The following XKR9 variants were observed in gnomAD, a reference collection of about 807,000 sequenced individuals.
XKR9 encodes XK-related protein 9.
In XKR9, 32 loss-of-function variants were observed where a neutral mutation model predicts 32.0. That is an observed-to-expected ratio of 1.00 (90% CI 0.76 to 1.34). The LOEUF (loss-of-function observed/expected upper bound fraction) is 1.34, where lower values mean the gene tolerates loss of function less well. Among genes scored for constraint, XKR9 ranks in the 40% most tolerant of loss-of-function variants. The pLI is 0.00. For synonymous variants in XKR9, 168 were observed against 143.4 expected (o/e 1.17, Z -1.22); for missense variants, 546 against 429.7 (o/e 1.27, Z -2.39).
the XKR9 span, among the ~76,000 whole-genome samples, chr8:70,894,709 G>T: frequency 6.6e-6 from 1 of 152,084 alleles, no homozygotes; most frequent in Non-Finnish European, 1.5e-5. Flanking sequence ...TTCAGTCTAG[G>T]TACTGGAAAG....
intron 2 of XKR9, among the ~76,000 whole-genome samples, chr8:70,785,041 GTTAC>G (rs1325981310): frequency 6.6e-6 from 1 of 151,868 alleles, no homozygotes; most frequent in African/African-American, 2.4e-5. Flanking sequence ...GTTTGGAAGT[GTTAC>G]TTCTTTTTTG....
intron 4 of XKR9, among the ~76,000 whole-genome samples, chr8:70,724,539 C>T (rs1238400890): frequency 2.0e-5 from 3 of 152,074 alleles, no homozygotes; most frequent in Non-Finnish European, 4.4e-5. Context: ...TGAAGGTTCT[C>T]CTGGTCTACG....
downstream of XKR9, among the ~76,000 whole-genome samples, chr8:70,793,998 C>A (rs1807797223): frequency 6.6e-6 from 1 of 152,018 alleles, no homozygotes; most frequent in Admixed American, 6.6e-5. Context: ...TATCCATTTA[C>A]TAAAATAAAA....
chr8:71,012,729 A>G, the XKR9 span, among the ~76,000 whole-genome samples: 1 of 152,118 alleles, frequency 6.6e-6, no homozygotes, highest in African/African-American at 2.4e-5. Flanking sequence ...CTTTTGCCTC[A>G]AATTTCAGGT....
the XKR9 span, among the ~76,000 whole-genome samples, chr8:70,894,234 C>T: frequency 1.9e-4 from 29 of 151,796 alleles, no homozygotes; most frequent in East Asian, 1.4e-3. Flanking sequence ...ATACTAGATT[C>T]GGTGAGACCA....
chr8:70,931,403 C>T, the XKR9 span, among the ~76,000 whole-genome samples: 1 of 152,174 alleles, frequency 6.6e-6, no homozygotes, highest in East Asian at 1.9e-4. Flanking sequence ...AGGATCGTGA[C>T]TAACCTCTTT....
the XKR9 span, among the ~76,000 whole-genome samples, chr8:71,006,534 T>A: frequency 6.6e-6 from 1 of 152,104 alleles, no homozygotes; most frequent in African/African-American, 2.4e-5. Flanking sequence ...CCTAACAGAG[T>A]GAATTTCTTA....
At chr8:70,779,011 G>T (rs1462256417) in intron 2 of XKR9, among the ~76,000 whole-genome samples, 1 of 151,984 alleles carries the variant, frequency 6.6e-6, no homozygotes, top group Non-Finnish European at 1.5e-5. Flanking sequence ...GAGAGAAGGT[G>T]TCCTTGTCTT....
At chr8:71,040,024 A>G in the XKR9 span, among the ~76,000 whole-genome samples, 4 of 152,186 alleles carry the variant, frequency 2.6e-5, no homozygotes, top group Non-Finnish European at 5.9e-5. Flanking sequence ...AGGTGTGGGA[A>G]ACTAGACTTA....
intron 2 of XKR9, among the ~76,000 whole-genome samples, chr8:70,765,323 T>A (rs1807361029): frequency 6.6e-6 from 1 of 152,230 alleles, no homozygotes; most frequent in South Asian, 2.1e-4. Context: ...TGGTTTTGAT[T>A]TGCATTTCTC....
the XKR9 span, among the ~76,000 whole-genome samples, chr8:70,812,054 C>G: frequency 3.9e-5 from 6 of 152,078 alleles, no homozygotes; most frequent in Non-Finnish European, 7.4e-5. Context: ...AAAATACTGG[C>G]AAACCGAATC....
At chr8:71,018,635 A>G in the XKR9 span, among the ~76,000 whole-genome samples, 1 of 152,226 alleles carries the variant, frequency 6.6e-6, no homozygotes, top group East Asian at 1.9e-4. Flanking sequence ...GCCCTGGCAC[A>G]TAGTACGTAC....
chr8:70,853,684 C>T, the XKR9 span, among the ~76,000 whole-genome samples: 1 of 152,084 alleles, frequency 6.6e-6, no homozygotes, highest in Non-Finnish European at 1.5e-5. Flanking sequence ...TCACTCCCCC[C>T]ACCCCACAAC....
the XKR9 span, among the ~76,000 whole-genome samples, chr8:70,859,314 A>T: frequency 6.6e-6 from 1 of 152,158 alleles, no homozygotes; most frequent in South Asian, 2.1e-4. Flanking sequence ...ATCTCACTCC[A>T]GTTAAATGTC....
intron 4 of XKR9, among the ~76,000 whole-genome samples, chr8:70,715,575 A>G (rs1181420083): frequency 6.6e-6 from 1 of 152,138 alleles, no homozygotes; most frequent in Non-Finnish European, 1.5e-5. Flanking sequence ...TTCTAGAGAA[A>G]TCACCAAAGA....
the XKR9 span, among the ~76,000 whole-genome samples, chr8:70,818,338 C>A: frequency 6.6e-6 from 1 of 151,944 alleles, no homozygotes; most frequent in Non-Finnish European, 1.5e-5. Context: ...CATTATAGTG[C>A]TTTATTTTTT....
chr8:70,795,557 C>T, the XKR9 span, among the ~76,000 whole-genome samples: 1 of 152,256 alleles, frequency 6.6e-6, no homozygotes, highest in African/African-American at 2.4e-5. Context: ...GGAATCACCA[C>T]AACGTCTTCC....
chr8:70,950,374 G>A, the XKR9 span, among the ~76,000 whole-genome samples: 1 of 152,162 alleles, frequency 6.6e-6, no homozygotes, highest in South Asian at 2.1e-4. Context: ...AGTAACTCTT[G>A]AGCTGAGATC....
chr8:70,736,632 A>G (rs1806868182), downstream of XKR9, among the ~76,000 whole-genome samples: 1 of 151,978 alleles, frequency 6.6e-6, no homozygotes. Flanking sequence ...TCCATCTTGA[A>G]TTAACTTTTG....
Sources: allele counts gnomAD v4.1 joint callset (sites outside exome capture counted in the v4.1 genomes callset), GRCh38; gene constraint gnomAD v4.1.1; transcripts MANE v1.5; gene names NCBI Gene and HGNC (gene_info 2026-07-23, HGNC 2026-07-21).